Variants in ADGRB3 observed in about 807,000 individuals in gnomAD.
The protein encoded by ADGRB3 is brain-specific angiogenesis inhibitor 3.
In ADGRB3, 37 loss-of-function variants were observed where a neutral mutation model predicts 193.4. The observed-to-expected ratio is 0.19, with a 90% CI of 0.15 to 0.25. The LOEUF (loss-of-function observed/expected upper bound fraction) is 0.25. Ranked by LOEUF, ADGRB3 falls within the 10% of genes least tolerant of loss-of-function variation. ADGRB3 has a pLI of 1.00. For synonymous variants in ADGRB3, 690 were observed against 644.2 expected, an observed-to-expected ratio of 1.07 and a Z score of -1.08; for missense variants, 1,637 against 1,852.9, an observed-to-expected ratio of 0.88 and a Z score of 2.14.
At chr6:68,920,187 C>A (rs1405464541) in intron 3 of ADGRB3, among the ~76,000 whole-genome samples, 4 of 152,088 alleles carry the variant, frequency 2.6e-5, no homozygotes, top group Admixed American at 2.6e-4. Flanking sequence ...TATCTAGACA[C>A]ACTGATAAAA....
chr6:69,109,945 A>G (rs1773323674), intron 17 of ADGRB3, among the ~76,000 whole-genome samples: 1 of 119,346 alleles, frequency 8.4e-6, no homozygotes, highest in African/African-American at 2.9e-5. Flanking sequence ...TGCCTTCTTT[A>G]ATTTTTTTTT....
chr6:69,258,434 G>A (rs1400027670), intron 20 of ADGRB3, among the ~76,000 whole-genome samples: 1 of 152,146 alleles, frequency 6.6e-6, no homozygotes, highest in Admixed American at 6.5e-5. Context: ...GTATATAGAA[G>A]TGAAGAACGG....
chr6:69,109,974 G>C (rs1013242223), intron 17 of ADGRB3, among the ~76,000 whole-genome samples: 5 of 140,376 alleles, frequency 3.6e-5, no homozygotes, highest in African/African-American at 1.3e-4. Context: ...TTGAGATGGA[G>C]TCTTGCTCTA....
intron 3 of ADGRB3, among the ~76,000 whole-genome samples, chr6:68,823,410 A>G (rs1274913714): frequency 6.6e-6 from 1 of 152,032 alleles, no homozygotes; most frequent in Non-Finnish European, 1.5e-5. Flanking sequence ...ATAGATAGAT[A>G]CATATATTGA....
intron 20 of ADGRB3, among the ~76,000 whole-genome samples, chr6:69,256,397 TCTC>T (rs1219197052): frequency 2.0e-5 from 3 of 152,152 alleles, no homozygotes; most frequent in African/African-American, 7.2e-5. Context: ...GGTTTGTAGT[TCTC>T]CTTGAAGAGG....
chr6:69,297,408 C>A (rs373521316), intron 20 of ADGRB3, among the ~76,000 whole-genome samples: 1,827 of 141,554 alleles, frequency 0.013, 12 homozygotes, highest in South Asian at 0.021. Context: ...CTCTCTCTCT[C>A]TCTATATATA....
chr6:69,209,292 G>A (rs538578894), intron 17 of ADGRB3, among the ~76,000 whole-genome samples: 1 of 152,102 alleles, frequency 6.6e-6, no homozygotes, highest in Non-Finnish European at 1.5e-5. Flanking sequence ...AATCCAAATA[G>A]GCCCACTAGG....
chr6:69,219,460 CGTAT>C, intron 17 of ADGRB3, among the ~76,000 whole-genome samples: 1 of 54,886 alleles, frequency 1.8e-5, no homozygotes, highest in African/African-American at 5.0e-5. Flanking sequence ...TACACACACA[CGTAT>C]ATATATATAT....
chr6:69,303,824 G>A lies in ADGRB3; in HGVS notation c.2815-21048G>A, dbSNP rs1187529849. 2.0e-5 allele frequency among the ~76,000 whole-genome samples: 3 copies of A among 151,952 alleles called. No individual in the cohort carries two copies. The East Asian group carries it at 5.8e-4, about 30-fold the overall frequency. On this transcript the variant is annotated intron_variant, in intron 20 of 31. Transcript: ENST00000370598. ...AGTGACTTTTATTTCTTAAGAGTTA[G>A]GGATTTGGTTTAGTAATTAAATAGG...
chr6:68,713,543 A>G (rs1160749310), intron 3 of ADGRB3, among the ~76,000 whole-genome samples: 1 of 151,766 alleles, frequency 6.6e-6, no homozygotes, highest in African/African-American at 2.4e-5. Flanking sequence ...AATCAACTGG[A>G]ACTTTCATAA....
chr6:68,660,828 A>G (rs1768612907), intron 3 of ADGRB3, among the ~76,000 whole-genome samples: 1 of 151,192 alleles, frequency 6.6e-6, no homozygotes, highest in Non-Finnish European at 1.5e-5. Flanking sequence ...GCAAAACGTT[A>G]ATTTAACTCA....
rs753963400 is a variant in ADGRB3, at chr6:69,355,854, C to T, written c.3589C>T (p.Arg1197Ter). ...TGAAAAGGATGTAGACATTGCCTGT[C>T]GATCAGGTAAGAATATTTAGATTTT... is the stretch of plus-strand genomic sequence containing the variant. ...DFEKDVDIAC[R>*]SVLHKDIGPC... The change falls in exon 28 of 32, where the codon CGA becomes TGA. Residue 1197 changes from arginine to a stop codon, truncating the protein, a stop_gained. Coordinates refer to ENST00000370598, the MANE Select transcript of ADGRB3 (RefSeq NM_001704.3). LOFTEE classifies it high-confidence loss of function. 6.2e-7 allele frequency: 1 copy of T among 1,604,178 alleles called. No individual in the cohort carries two copies.
chr6:69,027,535 A>G (rs931059562), intron 13 of ADGRB3, among the ~76,000 whole-genome samples: 1 of 152,214 alleles, frequency 6.6e-6, no homozygotes, highest in African/African-American at 2.4e-5. Context: ...TTATAATTTT[A>G]TGTGACTACC....
At chr6:69,040,307 C>CTCCTT (rs1554251203) in intron 13 of ADGRB3, among the ~76,000 whole-genome samples, 6 of 94,806 alleles carry the variant, frequency 6.3e-5, no homozygotes, top group East Asian at 3.0e-4. Flanking sequence ...CTTTCTCTGT[C>CTCCTT]TCTTTCTTTC....
At chr6:69,126,430 C>T (rs1773854032) in intron 17 of ADGRB3, among the ~76,000 whole-genome samples, 2 of 152,154 alleles carry the variant, frequency 1.3e-5, no homozygotes. Context: ...CTGTGGAAGC[C>T]ACTGCTGTCG....
chr6:69,262,812 A>G (rs1263327546), intron 20 of ADGRB3, among the ~76,000 whole-genome samples: 4 of 151,346 alleles, frequency 2.6e-5, no homozygotes, highest in Admixed American at 2.0e-4. Flanking sequence ...TACCATAGGT[A>G]TGTATGTGTC....
intron 3 of ADGRB3, among the ~76,000 whole-genome samples, chr6:68,640,200 A>AT (rs1731741444): frequency 6.6e-6 from 1 of 152,070 alleles, no homozygotes; most frequent in East Asian, 1.9e-4. Flanking sequence ...TTGAGAGTGA[A>AT]TTTTTGCCTT....
At chr6:68,962,007 G>A (rs540780707) in intron 8 of ADGRB3, among the ~76,000 whole-genome samples, 160 of 152,228 alleles carry the variant, frequency 1.1e-3, no homozygotes, top group African/African-American at 3.8e-3. Context: ...TTTGGGAATA[G>A]CAAATTAGGC....
intron 3 of ADGRB3, among the ~76,000 whole-genome samples, chr6:68,686,998 A>C (rs1197173966): frequency 6.6e-6 from 1 of 152,120 alleles, no homozygotes; most frequent in Admixed American, 6.6e-5. Context: ...ACGTGCATTC[A>C]GTGACTTTAA....
Sources: allele counts gnomAD v4.1 joint callset (sites outside exome capture counted in the v4.1 genomes callset), GRCh38; gene constraint gnomAD v4.1.1; transcripts MANE v1.5; gene names NCBI Gene and HGNC (gene_info 2026-07-23, HGNC 2026-07-21).